GPNMB: variants seen among roughly 807,000 people sequenced by gnomAD.
GPNMB encodes glycoprotein nmb, also known as transmembrane glycoprotein NMB.
A neutral mutation model predicts 57.3 loss-of-function variants in GPNMB; 71 were observed. The observed-to-expected ratio is 1.24, with a 90% CI of 1.02 to 1.51. The LOEUF is 1.51. GPNMB is among the 40% of genes most tolerant of loss of function. The probability of loss-of-function intolerance (pLI) is 0.00; values close to 1 mark genes in which losing one functional copy is unlikely to be tolerated. For missense variants in GPNMB, 677 were observed against 691.9 expected, an observed-to-expected ratio of 0.98 and a Z score of 0.24; for synonymous variants, 253 against 263.2, an observed-to-expected ratio of 0.96 and a Z score of 0.38.
intron 4 of GPNMB, among the ~76,000 whole-genome samples, chr7:23,259,501 A>G (rs1410445485): frequency 6.6e-6 from 1 of 152,206 alleles, no homozygotes; most frequent in African/African-American, 2.4e-5. Context: ...ATTTTTATAT[A>G]CAAATACTAT....
chr7:23,253,329 T>G lies in GPNMB; in HGVS notation c.93T>G (p.Asn31Lys). The part of the protein sequence containing the change: ...AAKRFHDVLG[N>K]ERPSAYMREH... ...CAGGATTTCATGATGTGCTGGGCAA[T>G]GAAAGACCTTCTGCTTACATGAGGG... Residue 31 changes from asparagine (N) to lysine (K), a missense_variant, in exon 2 of 11, where the codon AAT becomes AAG. Physicochemically the swap from Asn to Lys is moderately conservative, Grantham distance 94. Transcript: ENST00000258733. 2 of 1,613,808 alleles carry G rather than the reference T, an allele frequency of 1.2e-6. No individual in the cohort carries two copies. The highest frequency in any genetic ancestry group is 1.7e-6 in the Non-Finnish European group (2 of 1,179,812).
At chr7:23,256,461 G>T (rs931678453) in intron 3 of GPNMB, among the ~76,000 whole-genome samples, 1 of 152,124 alleles carries the variant, frequency 6.6e-6, no homozygotes, top group Non-Finnish European at 1.5e-5. Flanking sequence ...GGGCTATTTA[G>T]GACAATGCTC....
rs369920985 is a variant in GPNMB, at chr7:23,246,837, C to A, written c.-21C>A. 6.2e-7 allele frequency: 1 copy of A among 1,601,352 alleles called. No individual in the cohort carries two copies. Among genetic ancestry groups the A allele is most frequent in the Admixed American group, 1.7e-5 (1 of 59,998 alleles). ...GAATTCAGAGTTAAACCTTGAGTGC[C>A]TGCGTCCGTGAGAATTCAGCATGGA... On this transcript the variant is annotated 5_prime_UTR_variant, in exon 1 of 11. The change creates a new upstream start codon in the 5' untranslated region. Transcript: ENST00000258733.
intron 9 of GPNMB, chr7:23,273,283 C>A (rs1424813016): frequency 6.4e-6 from 3 of 469,926 alleles, no homozygotes; most frequent in African/African-American, 4.0e-5. Flanking sequence ...GTCTCCAGGA[C>A]GTGACATCTC....
At chr7:23,246,999 T>C (rs568434830) in intron 1 of GPNMB, 72 bp downstream of exon 1, 21 of 1,106,552 alleles carry the variant, frequency 1.9e-5, no homozygotes, top group Non-Finnish European at 2.8e-5. Flanking sequence ...AATAATATCC[T>C]CTGAACTAGA....
chr7:23,254,609 G>T (rs1026849764), intron 3 of GPNMB, among the ~76,000 whole-genome samples: 1 of 152,206 alleles, frequency 6.6e-6, no homozygotes, highest in Non-Finnish European at 1.5e-5. Context: ...ATACCTTGCT[G>T]AGTCTCAGAT....
chr7:23,258,260 T>C (rs1206887380), intron 4 of GPNMB, among the ~76,000 whole-genome samples: 1 of 152,214 alleles, frequency 6.6e-6, no homozygotes, highest in African/African-American at 2.4e-5. Flanking sequence ...TCATCTTTCA[T>C]CACAGATTAG....
At chr7:23,263,393 C>T (rs1782976761) in intron 6 of GPNMB, among the ~76,000 whole-genome samples, 1 of 151,976 alleles carries the variant, frequency 6.6e-6, no homozygotes, top group African/African-American at 2.4e-5. Flanking sequence ...AGGTGGATCA[C>T]CTGAGGTCAG....
At position 23,246,837 on chromosome 7, in the gene GPNMB, C is replaced by G. The variant is rs369920985; in HGVS notation, c.-21C>G. Reference sequence around the variant, plus strand: ...GAATTCAGAGTTAAACCTTGAGTGCCTGCGTCCGTGAGAATTCAGCATGGA... The same window carrying G: ...GAATTCAGAGTTAAACCTTGAGTGCGTGCGTCCGTGAGAATTCAGCATGGA... On this transcript the variant is annotated 5_prime_UTR_variant, in exon 1 of 11. Transcript: ENST00000258733. 2.4e-5 allele frequency: 39 copies of G among 1,601,234 alleles called. 1 individual carries two copies. The African/African-American group carries it at 4.4e-4, about 18-fold the overall frequency.
intron 6 of GPNMB, among the ~76,000 whole-genome samples, chr7:23,261,897 C>T (rs1583827300): frequency 1.3e-5 from 2 of 152,170 alleles, no homozygotes; most frequent in East Asian, 3.8e-4. Flanking sequence ...TAAGAGTCCA[C>T]TTTGGGTAGC....
intron 4 of GPNMB, chr7:23,257,958 T>C (rs1782821330): frequency 1.3e-5 from 2 of 152,232 alleles, no homozygotes; most frequent in South Asian, 4.1e-4. Flanking sequence ...CATTTGATGA[T>C]ATGATTTTTT....
intron 1 of GPNMB, among the ~76,000 whole-genome samples, chr7:23,249,031 C>T (rs1171930065): frequency 6.6e-6 from 1 of 152,180 alleles, no homozygotes; most frequent in Non-Finnish European, 1.5e-5. Context: ...CCTCCCTTGG[C>T]CTCCCAGAAT....
At chr7:23,270,254 T>C in intron 9 of GPNMB, 79 bp downstream of exon 9, 1 of 902,650 alleles carries the variant, frequency 1.1e-6, no homozygotes, top group East Asian at 2.5e-5. Flanking sequence ...TATTTAGGCC[T>C]TTGTTTTCAA....
chr7:23,251,101 G>A (rs1397044283), intron 1 of GPNMB, among the ~76,000 whole-genome samples: 1 of 152,222 alleles, frequency 6.6e-6, no homozygotes, highest in Non-Finnish European at 1.5e-5. Flanking sequence ...CACATGGCCT[G>A]AGGTCACACA....
rs766060419 is a variant in GPNMB, at chr7:23,260,637, C to A, written c.882C>A (p.Ser294=). ...GGGATAATACTGGCCTGTTTGTTTC[C>A]ACCAATCATACTGTGAATCACACGT... ...SFGDNTGLFV[S]TNHTVNHTYV... Residue 294 remains serine (S), a synonymous_variant, in exon 6 of 11, where the codon TCC becomes TCA. Coordinates refer to ENST00000258733, the MANE Select transcript of GPNMB (RefSeq NM_002510.3). The A allele has an allele frequency of 1.1e-5, 18 of 1,613,968 alleles. No individual in the cohort carries two copies. Among genetic ancestry groups the A allele is most frequent in the Non-Finnish European group, 1.4e-5 (17 of 1,179,898 alleles).
At chr7:23,251,575 C>T (rs984432212) in intron 1 of GPNMB, among the ~76,000 whole-genome samples, 2 of 152,222 alleles carry the variant, frequency 1.3e-5, no homozygotes, top group African/African-American at 4.8e-5. Flanking sequence ...CATCTTTCCA[C>T]TCTGACACCC....
chr7:23,263,981 A>G (rs1583829767), intron 6 of GPNMB, among the ~76,000 whole-genome samples: 1 of 152,106 alleles, frequency 6.6e-6, no homozygotes, highest in Admixed American at 6.6e-5. Flanking sequence ...GAGGTGACCC[A>G]GGTAGATGTG....
intron 1 of GPNMB, among the ~76,000 whole-genome samples, chr7:23,249,340 A>G (rs886818579): frequency 6.6e-6 from 1 of 152,228 alleles, no homozygotes; most frequent in Non-Finnish European, 1.5e-5. Flanking sequence ...TGGTATCATC[A>G]TGCAAAACAG....
At chr7:23,263,008 A>G (rs1782966843) in intron 6 of GPNMB, among the ~76,000 whole-genome samples, 1 of 152,030 alleles carries the variant, frequency 6.6e-6, no homozygotes, top group Admixed American at 6.5e-5. Context: ...ATACAGCTTC[A>G]TTCTAGTAAT....
Sources: allele counts gnomAD v4.1 joint callset (sites outside exome capture counted in the v4.1 genomes callset), GRCh38; gene constraint gnomAD v4.1.1; transcripts MANE v1.5; gene names NCBI Gene and HGNC (gene_info 2026-07-23, HGNC 2026-07-21).